The following WIF1 variants were observed in gnomAD, a reference collection of about 807,000 sequenced individuals.
The protein encoded by WIF1 is Wnt inhibitory factor 1.
In WIF1, 35 loss-of-function variants were observed where a neutral mutation model predicts 53.5. The ratio of observed to expected loss-of-function variants is 0.65; its 90% confidence interval spans 0.50 to 0.87. The LOEUF is 0.87. Ranked by LOEUF, WIF1 falls within the 40% of genes least tolerant of loss-of-function variation. The pLI, the probability that WIF1 is intolerant of heterozygous loss-of-function variation, is 0.00. For missense variants in WIF1, 467 were observed against 476.8 expected (o/e 0.98, Z 0.19); for synonymous variants, 171 against 170.4 (o/e 1.00, Z -0.03).
chr12:65,095,959 CAA>C (rs1405783274), intron 2 of WIF1: 5 of 152,204 alleles, frequency 3.3e-5, no homozygotes, highest in African/African-American at 1.2e-4. Context: ...TAGGCATGGG[CAA>C]AGACTTCATG....
chr12:65,104,854 A>G (rs565661281), intron 2 of WIF1, among the ~76,000 whole-genome samples: 1 of 152,308 alleles, frequency 6.6e-6, no homozygotes, highest in South Asian at 2.1e-4. Context: ...TAAAGAGTAA[A>G]AGACCAGTAA....
At chr12:65,055,922 A>C (rs1882518145) in intron 8 of WIF1, 109 bp downstream of exon 8, 1 of 919,106 alleles carries the variant, frequency 1.1e-6, no homozygotes, top group African/African-American at 1.7e-5. Flanking sequence ...AAGAAAGGTT[A>C]ACTGTGATGC....
At chr12:65,078,298 C>T (rs1022275962) in intron 2 of WIF1, among the ~76,000 whole-genome samples, 22 of 152,152 alleles carry the variant, frequency 1.4e-4, no homozygotes, top group African/African-American at 3.4e-4. Flanking sequence ...GGGTCTGTCT[C>T]GAACTTCTGA....
At chr12:65,092,780 T>C (rs1014028315) in intron 2 of WIF1, among the ~76,000 whole-genome samples, 1 of 151,868 alleles carries the variant, frequency 6.6e-6, no homozygotes, top group African/African-American at 2.4e-5. Context: ...GGGGAAGCAA[T>C]GCCTTAACCC....
At chr12:65,064,547 T>A (rs535855517) in intron 6 of WIF1, among the ~76,000 whole-genome samples, 61 of 152,250 alleles carry the variant, frequency 4.0e-4, no homozygotes, top group African/African-American at 1.4e-3. Context: ...CTCCACATAT[T>A]CCCTCCTGGA....
intron 2 of WIF1, among the ~76,000 whole-genome samples, chr12:65,099,575 T>C (rs149394820): frequency 1.9e-3 from 287 of 152,308 alleles, no homozygotes; most frequent in African/African-American, 6.3e-3. Flanking sequence ...CTTCAAAGCC[T>C]GAAACAGAGT....
intron 2 of WIF1, among the ~76,000 whole-genome samples, chr12:65,102,583 T>C (rs760672092): frequency 2.9e-4 from 44 of 152,178 alleles, no homozygotes; most frequent in Admixed American, 7.9e-4. Flanking sequence ...CACAGAATAA[T>C]GTATGTGACC....
At chr12:65,104,429 T>G (rs1357857621) in intron 2 of WIF1, among the ~76,000 whole-genome samples, 1 of 152,174 alleles carries the variant, frequency 6.6e-6, no homozygotes, top group African/African-American at 2.4e-5. Context: ...TATCCTGATT[T>G]CAAAGGGCTC....
At chr12:65,098,349 A>G (rs1006778694) in intron 2 of WIF1, among the ~76,000 whole-genome samples, 3 of 152,140 alleles carry the variant, frequency 2.0e-5, no homozygotes, top group Non-Finnish European at 4.4e-5. Flanking sequence ...AAGCCCTTCT[A>G]AGGGAAAATA....
intron 5 of WIF1, among the ~76,000 whole-genome samples, chr12:65,067,465 A>C (rs1882704396): frequency 6.6e-6 from 1 of 152,138 alleles, no homozygotes; most frequent in East Asian, 1.9e-4. Flanking sequence ...AAAACCTCAA[A>C]ATTTTCATAA....
chr12:65,119,059 T>C (rs1043048877), intron 2 of WIF1, among the ~76,000 whole-genome samples: 1 of 152,162 alleles, frequency 6.6e-6, no homozygotes, highest in African/African-American at 2.4e-5. Flanking sequence ...AATTGGCCAC[T>C]TAGTTAATGA....
intron 2 of WIF1, among the ~76,000 whole-genome samples, chr12:65,081,350 C>T (rs1882946452): frequency 6.6e-6 from 1 of 152,006 alleles, no homozygotes; most frequent in Non-Finnish European, 1.5e-5. Flanking sequence ...TGATGATGTT[C>T]AAAGAATATG....
At chr12:65,054,073 C>CTTTTTTT (rs5798769) in intron 9 of WIF1, 9 of 96,672 alleles carry the variant, frequency 9.3e-5, no homozygotes, top group Non-Finnish European at 1.3e-4. Flanking sequence ...TGTGAATTTG[C>CTTTTTTT]TTTTTTTTTT....
intron 6 of WIF1, among the ~76,000 whole-genome samples, chr12:65,063,074 TA>T (rs1251432726): frequency 4.6e-5 from 7 of 152,122 alleles, no homozygotes; most frequent in Non-Finnish European, 8.8e-5. Context: ...GATTGTTTTT[TA>T]AAAAATATAC....
intron 9 of WIF1, among the ~76,000 whole-genome samples, chr12:65,052,429 C>A (rs552834000): frequency 2.6e-5 from 4 of 152,196 alleles, no homozygotes; most frequent in South Asian, 4.1e-4. Flanking sequence ...ACCCATGAAG[C>A]CCAAACCTTT....
intron 2 of WIF1, among the ~76,000 whole-genome samples, chr12:65,106,090 A>G (rs1883347238): frequency 6.6e-6 from 1 of 152,192 alleles, no homozygotes; most frequent in Non-Finnish European, 1.5e-5. Context: ...ATCTCCATTC[A>G]GGATGGCATA....
At chr12:65,119,880 CAT>C (rs1447291807) in intron 2 of WIF1, among the ~76,000 whole-genome samples, 1 of 152,160 alleles carries the variant, frequency 6.6e-6, no homozygotes, top group Non-Finnish European at 1.5e-5. Context: ...AACTTGAAAA[CAT>C]AGGCTGCAAT....
chr12:65,115,063 G>C (rs1883488297), intron 2 of WIF1, among the ~76,000 whole-genome samples: 1 of 150,360 alleles, frequency 6.7e-6, no homozygotes, highest in African/African-American at 2.4e-5. Flanking sequence ...CTATTCCATA[G>C]ACACCAATTT....
At position 65,107,936 on chromosome 12, in the gene WIF1, T is replaced by C. The variant is rs539918434; in HGVS notation, c.288+12481A>G. Among the ~76,000 whole-genome samples the C allele has an allele frequency of 7.7e-4, 117 of 152,306 alleles. 1 individual carries two copies. Among genetic ancestry groups the C allele is most frequent in the African/African-American group, 2.7e-3 (113 of 41,566 alleles). The stretch of plus-strand genomic sequence containing the variant: ...TGAAGGCCGACTATAGTAGGCCCAA[T>C]TATCTCAAGTACATAAAAGCCATGA... On this transcript the variant is annotated intron_variant, in intron 2 of 9. Coordinates refer to ENST00000286574, the MANE Select transcript of WIF1 (RefSeq NM_007191.5).
Sources: gnomAD v4.1 joint callset for allele counts (sites outside exome capture counted in the v4.1 genomes callset) on GRCh38, gnomAD v4.1.1 for gene constraint, MANE v1.5 for transcripts, NCBI Gene and HGNC (gene_info 2026-07-23, HGNC 2026-07-21) for gene names.